The following SHC4 variants were observed in gnomAD, a reference collection of about 807,000 sequenced individuals.
SHC4 encodes SHC adaptor protein 4, also known as SHC-transforming protein 4.
In SHC4, 41 loss-of-function variants were observed where a neutral mutation model predicts 69.4. The observed-to-expected ratio is 0.59, with a 90% CI of 0.46 to 0.77. The LOEUF is 0.77. SHC4 is among the 30% of genes least tolerant of loss of function. The probability of loss-of-function intolerance (pLI) is 0.00; values close to 1 mark genes in which losing one functional copy is unlikely to be tolerated. For synonymous variants in SHC4, 318 were observed against 299.3 expected (o/e 1.06, Z -0.64); for missense variants, 777 against 783.8 (o/e 0.99, Z 0.10).
At chr15:48,933,890 T>C (rs994608758) in intron 1 of SHC4, among the ~76,000 whole-genome samples, 1 of 152,104 alleles carries the variant, frequency 6.6e-6, no homozygotes, top group Non-Finnish European at 1.5e-5. Flanking sequence ...AGCAATTGTA[T>C]ATAAAAGTTG....
At chr15:48,937,116 A>G (rs984029142) in intron 1 of SHC4, among the ~76,000 whole-genome samples, 6 of 152,348 alleles carry the variant, frequency 3.9e-5, no homozygotes, top group Admixed American at 1.3e-4. Flanking sequence ...GTGATTCATC[A>G]TGTGCCTTTG....
At chr15:48,961,705 C>T (rs917846741) in intron 1 of SHC4, among the ~76,000 whole-genome samples, 5 of 152,222 alleles carry the variant, frequency 3.3e-5, no homozygotes, top group African/African-American at 4.8e-5. Context: ...CGCATGTATT[C>T]ATTGATCTCA....
chr15:48,875,698 C>A (rs774980768), intron 4 of SHC4, among the ~76,000 whole-genome samples: 1 of 152,174 alleles, frequency 6.6e-6, no homozygotes, highest in African/African-American at 2.4e-5. Flanking sequence ...GATTACATAT[C>A]AGGAAAGTGG....
intron 1 of SHC4, 28 bp from the exon 2 acceptor site, chr15:48,924,977 G>A (rs760268751): frequency 1.2e-6 from 2 of 1,612,322 alleles, no homozygotes; most frequent in South Asian, 2.2e-5. Flanking sequence ...AAAAGAAGAA[G>A]TAGGACAAAA....
Position 48,908,351 on chromosome 15 carries a change from T to C in SHC4, c.656+16528A>G, listed in dbSNP as rs546913897. ...TGTTGGCCATTTGTATATCTTCTTTTGAGGAGTGTCTATTCATGTCCTTAG... is the reference window on the plus strand; with the variant it reads ...TGTTGGCCATTTGTATATCTTCTTTCGAGGAGTGTCTATTCATGTCCTTAG... On this transcript the variant is annotated intron_variant, in intron 2 of 11. Coordinates refer to ENST00000332408, the MANE Select transcript of SHC4 (RefSeq NM_203349.4). Among the ~76,000 whole-genome samples, 3 of 152,342 alleles carry C rather than the reference T, an allele frequency of 2.0e-5. No individual in the cohort carries two copies. In the East Asian group the frequency reaches 5.8e-4, roughly 29 times the overall value.
intron 2 of SHC4, among the ~76,000 whole-genome samples, chr15:48,903,870 A>G (rs1038028766): frequency 2.0e-5 from 3 of 152,078 alleles, no homozygotes; most frequent in African/African-American, 7.2e-5. Context: ...AGCTCAAGTG[A>G]TCCTCCCATC....
rs765850027 is a variant in SHC4 at position 48,931,615 on chromosome 15, AC to A, written c.586-6667del. ...TCTTCTTCCCTGAACTCTGCACACT[AC>A]CCCCAGCATTTACTATCCAAGTTTA... On this transcript the variant is annotated intron_variant, in intron 1 of 11. Transcript: ENST00000332408. Among the ~76,000 whole-genome samples, 8 of 151,748 alleles carry A rather than the reference AC, an allele frequency of 5.3e-5. No homozygotes were observed. In the South Asian group the frequency reaches 8.4e-4, roughly 16 times the overall value.
chr15:48,948,822 CTTGAGCCTGGGAGGT>C (rs1332154218), intron 1 of SHC4, among the ~76,000 whole-genome samples: 1 of 152,054 alleles, frequency 6.6e-6, no homozygotes, highest in Non-Finnish European at 1.5e-5. Flanking sequence ...GGGAGGATGG[CTTGAGCCTGGGAGGT>C]TGAGGCTGCA....
At chr15:48,856,246 A>G in intron 7 of SHC4, 122 bp from the exon 8 acceptor site, 1 of 915,710 alleles carries the variant, frequency 1.1e-6, no homozygotes, top group East Asian at 2.5e-5. Context: ...TTCAGTTTAT[A>G]GCTGTGCTTA....
chr15:48,947,628 G>T (rs1302797376), intron 1 of SHC4, among the ~76,000 whole-genome samples: 1 of 152,130 alleles, frequency 6.6e-6, no homozygotes, highest in East Asian at 1.9e-4. Flanking sequence ...GTCCCTAGAA[G>T]CATTGGGTAA....
intron 3 of SHC4, among the ~76,000 whole-genome samples, chr15:48,885,648 A>C (rs1900022287): frequency 6.6e-6 from 1 of 152,204 alleles, no homozygotes. Flanking sequence ...TTTTGCTTTT[A>C]TATTACTCTC....
chr15:48,888,544 G>A (rs1595746363), intron 3 of SHC4, among the ~76,000 whole-genome samples: 2 of 152,224 alleles, frequency 1.3e-5, no homozygotes, highest in South Asian at 2.1e-4. Context: ...GGATGATGGC[G>A]ATGGCTGCAC....
At chr15:48,826,725 A>ATT (rs1898696941) in intron 11 of SHC4, among the ~76,000 whole-genome samples, 1 of 152,178 alleles carries the variant, frequency 6.6e-6, no homozygotes, top group African/African-American at 2.4e-5. Context: ...TACAAGCATG[A>ATT]ATCCCAGGAT....
At chr15:48,938,718 C>T (rs765732247) in intron 1 of SHC4, among the ~76,000 whole-genome samples, 10 of 152,160 alleles carry the variant, frequency 6.6e-5, no homozygotes, top group East Asian at 1.9e-4. Context: ...CCAATGTGCT[C>T]GGACCATGAC....
chr15:48,831,689 T>C (rs908777831), intron 11 of SHC4, among the ~76,000 whole-genome samples: 1 of 152,232 alleles, frequency 6.6e-6, no homozygotes, highest in Non-Finnish European at 1.5e-5. Flanking sequence ...CATTTCCCCA[T>C]TGTTAAGTGA....
At chr15:48,847,328 T>C (rs1899112363) in intron 9 of SHC4, among the ~76,000 whole-genome samples, 1 of 152,188 alleles carries the variant, frequency 6.6e-6, no homozygotes, top group South Asian at 2.1e-4. Flanking sequence ...TTAATGTCTT[T>C]TTGATTAAAA....
intron 2 of SHC4, among the ~76,000 whole-genome samples, chr15:48,916,015 A>T (rs1881832553): frequency 6.6e-6 from 1 of 152,144 alleles, no homozygotes; most frequent in East Asian, 1.9e-4. Context: ...ATGCTGTTCA[A>T]CTACTCCAAG....
chr15:48,832,690 T>C (rs1015262896), intron 11 of SHC4, among the ~76,000 whole-genome samples: 1 of 152,184 alleles, frequency 6.6e-6, no homozygotes, highest in African/African-American at 2.4e-5. Flanking sequence ...ACTGGTCTGC[T>C]TGATGGTGTA....
At chr15:48,889,607 G>A (rs576782387) in intron 3 of SHC4, among the ~76,000 whole-genome samples, 34 of 152,342 alleles carry the variant, frequency 2.2e-4, no homozygotes, top group Admixed American at 1.2e-3. Flanking sequence ...CACTTTGGTA[G>A]GCCGAGGCAG....
Sources: allele counts gnomAD v4.1 joint callset (sites outside exome capture counted in the v4.1 genomes callset), GRCh38; gene constraint gnomAD v4.1.1; transcripts MANE v1.5; gene names NCBI Gene and HGNC (gene_info 2026-07-23, HGNC 2026-07-21).